The following HCRTR2 variants were observed in gnomAD, a reference collection of about 807,000 sequenced individuals.
The protein encoded by HCRTR2 is hypocretin receptor 2.
A neutral mutation model predicts 49.0 loss-of-function variants in HCRTR2; 22 were observed. That is an observed-to-expected ratio of 0.45 (90% CI 0.32 to 0.64). The LOEUF is 0.64. Ranked by LOEUF, HCRTR2 falls within the 30% of genes least tolerant of loss-of-function variation. The pLI, the probability that HCRTR2 is intolerant of heterozygous loss-of-function variation, is 0.04. For missense variants in HCRTR2, 491 were observed against 559.4 expected, an observed-to-expected ratio of 0.88 and a Z score of 1.23; for synonymous variants, 236 against 205.3, an observed-to-expected ratio of 1.15 and a Z score of -1.28.
intron 1 of HCRTR2, among the ~76,000 whole-genome samples, chr6:55,161,864 C>T (rs903198992): frequency 6.6e-6 from 1 of 151,924 alleles, no homozygotes; most frequent in Non-Finnish European, 1.5e-5. Context: ...GAAAAAAAGC[C>T]CAGGACCAGA....
chr6:55,244,816 C>T (rs996547452), intron 1 of HCRTR2, among the ~76,000 whole-genome samples: 3 of 151,994 alleles, frequency 2.0e-5, no homozygotes, highest in Non-Finnish European at 4.4e-5. Context: ...AGTCTTTAAT[C>T]CATCTTCAGT....
At chr6:55,228,144 T>C (rs367710956) in intron 1 of HCRTR2, among the ~76,000 whole-genome samples, 5 of 152,120 alleles carry the variant, frequency 3.3e-5, no homozygotes, top group African/African-American at 1.2e-4. Context: ...AGAAGGAGCA[T>C]GTGGACCCAA....
intron 1 of HCRTR2, among the ~76,000 whole-genome samples, chr6:55,229,367 TCACCATATGAGC>T (rs1420456932): frequency 2.6e-5 from 4 of 152,154 alleles, no homozygotes; most frequent in Admixed American, 2.0e-4. Flanking sequence ...AAAAATAGAA[TCACCATATGAGC>T]CAGCAATTCC....
chr6:55,226,175 C>T (rs2127297959), intron 1 of HCRTR2, among the ~76,000 whole-genome samples: 1 of 152,286 alleles, frequency 6.6e-6, no homozygotes, highest in Middle Eastern at 3.4e-3. Flanking sequence ...TTCTTAGTTT[C>T]CTTATTTTCT....
intron 5 of HCRTR2, among the ~76,000 whole-genome samples, chr6:55,278,670 C>T (rs1767126656): frequency 6.6e-6 from 1 of 151,546 alleles, no homozygotes; most frequent in Non-Finnish European, 1.5e-5. Context: ...TATGCCAGCT[C>T]ACAAGAAAAT....
intron 1 of HCRTR2, among the ~76,000 whole-genome samples, chr6:55,182,343 C>CT (rs1765147700): frequency 6.6e-6 from 1 of 152,230 alleles, no homozygotes; most frequent in African/African-American, 2.4e-5. Flanking sequence ...AACGATGTCA[C>CT]TTTCAAGATT....
At chr6:55,246,418 C>T (rs1316501238) in intron 1 of HCRTR2, among the ~76,000 whole-genome samples, 1 of 151,852 alleles carries the variant, frequency 6.6e-6, no homozygotes, top group African/African-American at 2.4e-5. Flanking sequence ...AACTCAAGGG[C>T]TCCAGCAGGT....
chr6:55,185,256 A>C (rs775191252), intron 1 of HCRTR2, among the ~76,000 whole-genome samples: 31 of 152,168 alleles, frequency 2.0e-4, no homozygotes, highest in Non-Finnish European at 3.7e-4. Flanking sequence ...TGAGACATTT[A>C]TGTGTTTGGG....
intron 2 of HCRTR2, among the ~76,000 whole-genome samples, chr6:55,251,165 T>C (rs1046066167): frequency 6.6e-6 from 1 of 152,182 alleles, no homozygotes; most frequent in Non-Finnish European, 1.5e-5. Context: ...TTACTGAATA[T>C]TTAAAAACAT....
At chr6:55,275,712 G>A (rs986796738) in intron 4 of HCRTR2, among the ~76,000 whole-genome samples, 6 of 150,924 alleles carry the variant, frequency 4.0e-5, no homozygotes, top group Non-Finnish European at 8.8e-5. Flanking sequence ...CTGGGTTCAA[G>A]CGATTCTCCT....
At chr6:55,182,599 A>C (rs1332331363) in intron 1 of HCRTR2, among the ~76,000 whole-genome samples, 2 of 152,182 alleles carry the variant, frequency 1.3e-5, no homozygotes, top group African/African-American at 2.4e-5. Context: ...ACCCACCCCC[A>C]GCTTCAGTGC....
intron 1 of HCRTR2, among the ~76,000 whole-genome samples, chr6:55,213,046 G>C (rs1331420237): frequency 6.6e-6 from 1 of 151,792 alleles, no homozygotes; most frequent in Non-Finnish European, 1.5e-5. Context: ...ACTCTCAAGG[G>C]CGAGAAGAAA....
At chr6:55,272,089 G>T (rs973591456) in intron 4 of HCRTR2, among the ~76,000 whole-genome samples, 2 of 152,028 alleles carry the variant, frequency 1.3e-5, no homozygotes, top group African/African-American at 4.8e-5. Flanking sequence ...ATTCATAGTA[G>T]CCAAAAAGTG....
At chr6:55,112,105 TA>T (rs1273501080) in intron 1 of HCRTR2, among the ~76,000 whole-genome samples, 1 of 151,818 alleles carries the variant, frequency 6.6e-6, no homozygotes, top group African/African-American at 2.4e-5. Flanking sequence ...CCTTTATGAT[TA>T]AAACCCTCAA....
At chr6:55,149,248 C>T (rs1024395515) in intron 1 of HCRTR2, among the ~76,000 whole-genome samples, 2 of 151,972 alleles carry the variant, frequency 1.3e-5, no homozygotes, top group African/African-American at 2.4e-5. Context: ...GCTAAAAGTC[C>T]AAAATATGTT....
chr6:55,253,383 A>C (rs1419409705), intron 2 of HCRTR2, among the ~76,000 whole-genome samples: 9 of 152,100 alleles, frequency 5.9e-5, no homozygotes, highest in Admixed American at 5.9e-4. Context: ...ACTCATTTGT[A>C]CCTATAATCA....
intron 1 of HCRTR2, among the ~76,000 whole-genome samples, chr6:55,180,751 T>C (rs891839270): frequency 6.6e-6 from 1 of 152,212 alleles, no homozygotes; most frequent in Admixed American, 6.5e-5. Context: ...AAATAGTATT[T>C]ATTTAAACAA....
intron 1 of HCRTR2, among the ~76,000 whole-genome samples, chr6:55,125,423 G>C (rs1345972550): frequency 6.6e-6 from 1 of 152,192 alleles, no homozygotes; most frequent in Admixed American, 6.6e-5. Flanking sequence ...TTTTCTTTAA[G>C]GATGTTGAAT....
chr6:55,149,403 A>C (rs1397220883), intron 1 of HCRTR2, among the ~76,000 whole-genome samples: 1 of 152,086 alleles, frequency 6.6e-6, no homozygotes, highest in Non-Finnish European at 1.5e-5. Flanking sequence ...CCAACAAGTG[A>C]AAGTGGACAC....
Sources: gnomAD v4.1 joint callset for allele counts (sites outside exome capture counted in the v4.1 genomes callset) on GRCh38, gnomAD v4.1.1 for gene constraint, MANE v1.5 for transcripts, NCBI Gene and HGNC (gene_info 2026-07-23, HGNC 2026-07-21) for gene names.